Variants in C14orf39 observed in about 807,000 individuals in gnomAD.
The protein encoded by C14orf39 is chromosome 14 open reading frame 39.
C14orf39 carries 66 observed loss-of-function variants against 85.6 expected under a neutral mutation model. That is an observed-to-expected ratio of 0.77 (90% CI 0.63 to 0.95). The LOEUF (loss-of-function observed/expected upper bound fraction) is 0.95. Ranked by LOEUF, C14orf39 falls within the 40% of genes least tolerant of loss-of-function variation. The probability of loss-of-function intolerance (pLI) is 0.00; values close to 1 mark genes in which losing one functional copy is unlikely to be tolerated. For missense variants in C14orf39, 735 were observed against 663.9 expected (o/e 1.11, Z -1.18); for synonymous variants, 242 against 214.0 (o/e 1.13, Z -1.14).
chr14:60,455,275 T>G (rs963617822), intron 15 of C14orf39, 130 bp from the exon 16 acceptor site: 5 of 595,628 alleles, frequency 8.4e-6, no homozygotes, highest in African/African-American at 7.9e-5. Context: ...GTTATTGAAG[T>G]GACAATCCTA....
At chr14:60,443,790 A>C (rs1027535001) in intron 16 of C14orf39, among the ~76,000 whole-genome samples, 1 of 152,132 alleles carries the variant, frequency 6.6e-6, no homozygotes, top group Admixed American at 6.5e-5. Flanking sequence ...AGACACCTCA[A>C]ACAGGTAGGT....
At chr14:60,463,201 C>T (rs191933337) in intron 11 of C14orf39, among the ~76,000 whole-genome samples, 3 of 151,904 alleles carry the variant, frequency 2.0e-5, no homozygotes, top group Non-Finnish European at 4.4e-5. Flanking sequence ...TGGGGTCTGG[C>T]ATCTTGTTAT....
intron 17 of C14orf39, among the ~76,000 whole-genome samples, chr14:60,440,009 A>C (rs1421162968): frequency 6.6e-6 from 1 of 152,172 alleles, no homozygotes; most frequent in Non-Finnish European, 1.5e-5. Context: ...CAGGAGGCGG[A>C]GGTTGCCGTG....
At chr14:60,500,088 C>T (rs891756979) in intron 1 of C14orf39, among the ~76,000 whole-genome samples, 9 of 152,240 alleles carry the variant, frequency 5.9e-5, no homozygotes, top group Middle Eastern at 3.4e-3. Context: ...AGTGCAATGG[C>T]GCGATCTTGG....
intron 17 of C14orf39, among the ~76,000 whole-genome samples, chr14:60,441,189 T>C (rs2140016489): frequency 6.6e-6 from 1 of 152,220 alleles, no homozygotes; most frequent in South Asian, 2.1e-4. Context: ...GCACCTGAAT[T>C]AGAGGAGCTA....
chr14:60,440,360 C>T (rs1566652571), intron 17 of C14orf39, among the ~76,000 whole-genome samples: 1 of 152,172 alleles, frequency 6.6e-6, no homozygotes, highest in Non-Finnish European at 1.5e-5. Context: ...CTATAAATGG[C>T]AACTCCATTC....
At position 60,483,703 on chromosome 14, in the gene C14orf39, T is replaced by C. The variant is rs763379624; in HGVS notation, c.221A>G (p.Asp74Gly). 5.7e-5 allele frequency: 91 copies of C among 1,589,242 alleles called. No individual in the cohort carries two copies. Among genetic ancestry groups the C allele is most frequent in the Non-Finnish European group, 7.2e-5 (84 of 1,168,714 alleles). ...HYCKHSEEIK[D>G]NCRNWKPTCD... ...TTCAAATACTCACTTTCTACAGTTG[T>C]CTTTAATCTCCTCACTATGTTTACA... Residue 74 changes from aspartate (D) to glycine (G), a missense_variant, in exon 4 of 18, where the codon GAC (aspartate) becomes GGC (glycine). Coordinates refer to ENST00000321731, the MANE Select transcript of C14orf39 (RefSeq NM_174978.3).
intron 1 of C14orf39, among the ~76,000 whole-genome samples, chr14:60,500,729 C>T (rs1019358946): frequency 6.6e-6 from 1 of 152,088 alleles, no homozygotes; most frequent in Middle Eastern, 3.2e-3. Context: ...TAGAGAAAAA[C>T]GTCCATAAGG....
At position 60,439,940 on chromosome 14, in the gene C14orf39, T is replaced by G. The variant is rs1356827970; in HGVS notation, c.1561+2134A>C. ...AATACAAAAAATTAGCTGGGCATGG[T>G]GCTGGGCGCCTGTAATCCCAGCTAC... is the stretch of plus-strand genomic sequence containing the variant. On this transcript the variant is annotated intron_variant, in intron 17 of 17. Coordinates refer to ENST00000321731, the MANE Select transcript of C14orf39 (RefSeq NM_174978.3). 3.9e-5 allele frequency among the ~76,000 whole-genome samples: 6 copies of G among 152,250 alleles called. No homozygotes were observed. The East Asian group carries it at 1.2e-3, about 30-fold the overall frequency.
intron 2 of C14orf39, among the ~76,000 whole-genome samples, chr14:60,498,454 C>A (rs1893098331): frequency 6.6e-6 from 1 of 152,246 alleles, no homozygotes; most frequent in Admixed American, 6.5e-5. Flanking sequence ...CAGTTATCAC[C>A]ACCCTGCTCC....
chr14:60,512,710 T>C (rs1893312370), intron 1 of C14orf39: 1 of 152,254 alleles, frequency 6.6e-6, no homozygotes, highest in Admixed American at 6.5e-5. Context: ...TGTATGCACC[T>C]ATACATGAAC....
At chr14:60,453,640 G>A (rs564600953) in intron 16 of C14orf39, among the ~76,000 whole-genome samples, 3 of 151,314 alleles carry the variant, frequency 2.0e-5, no homozygotes, top group African/African-American at 7.3e-5. Flanking sequence ...TTTCTACCTT[G>A]TGGGGTTGAA....
chr14:60,506,758 G>A (rs1447272269), intron 1 of C14orf39, among the ~76,000 whole-genome samples: 1 of 152,194 alleles, frequency 6.6e-6, no homozygotes, highest in Non-Finnish European at 1.5e-5. Flanking sequence ...CCCTTCTGGC[G>A]GCTCCCGCGA....
upstream of C14orf39, among the ~76,000 whole-genome samples, chr14:60,487,779 G>A (rs1386191345): frequency 2.0e-5 from 3 of 151,952 alleles, no homozygotes; most frequent in South Asian, 4.2e-4. Flanking sequence ...CCATATCCTT[G>A]TCAACACTTG....
upstream of C14orf39, among the ~76,000 whole-genome samples, chr14:60,486,401 A>C (rs183026752): frequency 9.6e-4 from 147 of 152,376 alleles, 1 homozygote; most frequent in African/African-American, 3.3e-3. Flanking sequence ...TTAACTTTTA[A>C]CAAGAGTAAA....
At chr14:60,489,153 A>G (rs1469021603), upstream of C14orf39, among the ~76,000 whole-genome samples, 1 of 152,164 alleles carries the variant, frequency 6.6e-6, no homozygotes, top group African/African-American at 2.4e-5. Flanking sequence ...TATGCTTTCC[A>G]TCAATCTTGA....
At chr14:60,463,464 A>G (rs1469138760) in intron 11 of C14orf39, among the ~76,000 whole-genome samples, 1 of 151,944 alleles carries the variant, frequency 6.6e-6, no homozygotes, top group Non-Finnish European at 1.5e-5. Context: ...TATAATTACT[A>G]TGTTTTGATA....
chr14:60,454,917 G>A (rs1891198011), intron 16 of C14orf39, 84 bp downstream of exon 16: 1 of 1,078,720 alleles, frequency 9.3e-7, no homozygotes, highest in African/African-American at 1.7e-5. Context: ...TCTGCCCCAA[G>A]ACAGTTTTGT....
intron 4 of C14orf39, among the ~76,000 whole-genome samples, chr14:60,480,481 G>C (rs1000722391): frequency 6.6e-6 from 1 of 152,104 alleles, no homozygotes; most frequent in Non-Finnish European, 1.5e-5. Flanking sequence ...GTGGAGAAAA[G>C]GAAACTCTTG....
Sources: allele counts gnomAD v4.1 joint callset (sites outside exome capture counted in the v4.1 genomes callset), GRCh38; gene constraint gnomAD v4.1.1; transcripts MANE v1.5; gene names NCBI Gene and HGNC (gene_info 2026-07-23, HGNC 2026-07-21).